TRPS1: variants seen among roughly 807,000 people sequenced by gnomAD.
TRPS1 encodes the protein zinc finger transcription factor Trps1.
Under a neutral mutation model 101.2 loss-of-function variants are expected in TRPS1, and 6 were observed. The observed-to-expected ratio is 0.06, with a 90% CI of 0.03 to 0.12. TRPS1 has a LOEUF of 0.12. TRPS1 is among the 10% of genes least tolerant of loss of function. The pLI is 1.00. For synonymous variants in TRPS1, 578 were observed against 589.8 expected (o/e 0.98, Z 0.29); for missense variants, 1,363 against 1,567.0 (o/e 0.87, Z 2.20).
At chr8:115,593,784 C>T (rs771581922) in intron 4 of TRPS1, among the ~76,000 whole-genome samples, 5 of 152,144 alleles carry the variant, frequency 3.3e-5, no homozygotes, top group African/African-American at 4.8e-5. Context: ...TTAACCACCC[C>T]CGCATCCATA....
chr8:115,625,124 T>C (rs927829427), intron 1 of TRPS1, among the ~76,000 whole-genome samples: 10 of 152,048 alleles, frequency 6.6e-5, no homozygotes, highest in South Asian at 4.1e-4. Context: ...TTATTTCCAT[T>C]AGATGAGAAA....
intron 1 of TRPS1, among the ~76,000 whole-genome samples, chr8:115,629,820 C>G (rs1425656888): frequency 6.6e-6 from 1 of 151,782 alleles, no homozygotes; most frequent in Non-Finnish European, 1.5e-5. Context: ...CCTTTCTTCT[C>G]CACTCCACTC....
chr8:115,654,847 AAAT>A (rs1270531823), intron 1 of TRPS1, among the ~76,000 whole-genome samples: 1 of 152,242 alleles, frequency 6.6e-6, no homozygotes, highest in Non-Finnish European at 1.5e-5. Context: ...ACTGATAAAG[AAAT>A]AATGTGAATA....
At chr8:115,601,935 G>A (rs1173080174) in intron 4 of TRPS1, among the ~76,000 whole-genome samples, 2 of 152,140 alleles carry the variant, frequency 1.3e-5, no homozygotes, top group East Asian at 3.9e-4. Context: ...TTTCTCTAGA[G>A]CTTACTTTCA....
chr8:115,656,499 C>A (rs1811679366), intron 1 of TRPS1, among the ~76,000 whole-genome samples: 1 of 151,774 alleles, frequency 6.6e-6, no homozygotes, highest in Non-Finnish European at 1.5e-5. Context: ...GTTGTGAGTT[C>A]TTTTTTTTCT....
At chr8:115,523,462 A>G (rs1054013831) in intron 5 of TRPS1, among the ~76,000 whole-genome samples, 2 of 152,034 alleles carry the variant, frequency 1.3e-5, no homozygotes, top group Non-Finnish European at 2.9e-5. Context: ...AACTATCTAT[A>G]TAAGAGCTGC....
intron 5 of TRPS1, among the ~76,000 whole-genome samples, chr8:115,510,842 G>T (rs568143591): frequency 1.3e-4 from 19 of 151,842 alleles, no homozygotes; most frequent in Non-Finnish European, 2.7e-4. Context: ...GAATGCCAAG[G>T]TTATCAGAAT....
chr8:115,475,305 T>TATATATATATATATATATATATA (rs1586311392), intron 5 of TRPS1, among the ~76,000 whole-genome samples: 1 of 145,008 alleles, frequency 6.9e-6, no homozygotes, highest in African/African-American at 2.6e-5. Context: ...TATATATATA[T>TATATATATATATATATATATATA]TTGTTATCAG....
In TRPS1 at chr8:115,607,668, A is replaced by G. The variant is rs535131795; in HGVS notation, c.967-2666T>C. ...TATCGGTAAATAATATTAGTATTAT[A>G]TATTATTAAAAGCTAATATAATATT... is the stretch of plus-strand genomic sequence containing the variant. On this transcript the variant is annotated intron_variant, in intron 3 of 6. Transcript: ENST00000395715. Among the ~76,000 whole-genome samples, 290 of 151,766 alleles carry G rather than the reference A, an allele frequency of 1.9e-3. 1 individual carries two copies. The highest frequency in any genetic ancestry group is 6.6e-3 in the African/African-American group (272 of 41,486).
chr8:115,451,261 A>G lies in TRPS1; in HGVS notation c.2701-32809T>C, dbSNP rs571681955. ...AATATCGGAAAATCCAAATGTGGCT[A>G]TATACACACAAATGTATTCTTATTC... On this transcript the variant is annotated intron_variant, in intron 5 of 6. Transcript: ENST00000395715. Among the ~76,000 whole-genome samples, 5 of 152,296 alleles carry G rather than the reference A, an allele frequency of 3.3e-5. No homozygotes were observed. The East Asian group carries it at 9.6e-4, about 29-fold the overall frequency.
chr8:115,414,095 G>A lies in TRPS1; in HGVS notation c.3813C>T (p.Phe1271=). The change falls in exon 7 of 7, where the codon TTC becomes TTT. Residue 1271 remains phenylalanine (F), a synonymous_variant. Transcript: ENST00000395715. The surrounding 1 kb of genome is among the most constrained non-coding windows in gnomAD (Gnocchi z 4.8). ...CQHLCTDKYD[F]TTHIQRGLHR... ...GCAGGCCCCTCTGGATATGTGTTGTGAAGTCATATTTGTCCGTGCAAAGAT... is the reference window on the plus strand; with the variant it reads ...GCAGGCCCCTCTGGATATGTGTTGTAAAGTCATATTTGTCCGTGCAAAGAT... 1 of 1,613,842 alleles carries A rather than the reference G, an allele frequency of 6.2e-7. No homozygotes were observed. Among genetic ancestry groups the A allele is most frequent in the Non-Finnish European group, 8.5e-7 (1 of 1,179,892 alleles).
intron 5 of TRPS1, chr8:115,515,055 T>C: frequency 3.5e-6 from 2 of 569,110 alleles, no homozygotes; most frequent in South Asian, 2.3e-5. Flanking sequence ...GCATATACTG[T>C]GTAAGAAAAA....
chr8:115,466,561 A>C (rs1814323851), intron 5 of TRPS1, among the ~76,000 whole-genome samples: 3 of 152,130 alleles, frequency 2.0e-5, no homozygotes, highest in Admixed American at 2.0e-4. Context: ...ATGTCGAAGG[A>C]AACTTCTGAA....
At chr8:115,550,125 T>C (rs544371854) in intron 5 of TRPS1, among the ~76,000 whole-genome samples, 12 of 152,186 alleles carry the variant, frequency 7.9e-5, no homozygotes, top group African/African-American at 2.4e-4. Flanking sequence ...GCTGCGACAG[T>C]AGAATTGCTT....
At chr8:115,575,087 G>C (rs753733531) in intron 5 of TRPS1, among the ~76,000 whole-genome samples, 1 of 152,070 alleles carries the variant, frequency 6.6e-6, no homozygotes, top group Non-Finnish European at 1.5e-5. Context: ...TCCCATAGAG[G>C]AGCCTGACTG....
In TRPS1 at chr8:115,425,230, T is replaced by C. The variant is rs1460995719; in HGVS notation, c.2701-6778A>G. 2.0e-5 allele frequency among the ~76,000 whole-genome samples: 3 copies of C among 152,192 alleles called. No homozygotes were observed. The East Asian group carries it at 5.8e-4, about 29-fold the overall frequency. On this transcript the variant is annotated intron_variant, in intron 5 of 6. Transcript: ENST00000395715. ...TAAAATTGTGAAGAATCCGTTGAAA[T>C]GGGCTGTACTGCATGTCTTTGCCTG...
intron 1 of TRPS1, among the ~76,000 whole-genome samples, chr8:115,652,881 A>C (rs771373454): frequency 4.6e-5 from 7 of 152,242 alleles, no homozygotes; most frequent in Non-Finnish European, 8.8e-5. Flanking sequence ...AGGTGACTAC[A>C]TTAGCATAGT....
At chr8:115,637,303 G>A (rs1818792842) in intron 1 of TRPS1, 1 of 985,278 alleles carries the variant, frequency 1.0e-6, no homozygotes, top group African/African-American at 1.7e-5. Context: ...TGGACCACTT[G>A]GAGAAAGCAG....
At chr8:115,612,166 C>A (rs2737213) in intron 3 of TRPS1, among the ~76,000 whole-genome samples, 151,228 of 151,230 alleles carry the variant, frequency 1, 75,613 homozygotes, top group Middle Eastern at 1. Flanking sequence ...AAAAAGAGGC[C>A]AAAGAGAGGA....
Sources: allele counts gnomAD v4.1 joint callset (sites outside exome capture counted in the v4.1 genomes callset), GRCh38; gene constraint gnomAD v4.1.1; non-coding constraint Gnocchi (gnomAD v3.1); transcripts MANE v1.5; gene names NCBI Gene and HGNC (gene_info 2026-07-23, HGNC 2026-07-21).